The following TTLL11 variants were observed in gnomAD, a reference collection of about 807,000 sequenced individuals.
TTLL11 encodes the protein tubulin tyrosine ligase like 11.
A neutral mutation model predicts 51.7 loss-of-function variants in TTLL11; 42 were observed. That is an observed-to-expected ratio of 0.81 (90% CI 0.64 to 1.05). The LOEUF is 1.05. Ranked by LOEUF, TTLL11 falls within the 50% of genes least tolerant of loss-of-function variation. TTLL11 has a pLI of 0.00. For missense variants in TTLL11, 799 were observed against 940.4 expected (o/e 0.85, Z 1.97); for synonymous variants, 381 against 383.5 (o/e 0.99, Z 0.08).
chr9:121,960,181 C>T lies in TTLL11; in HGVS notation c.1481+13828G>A, dbSNP rs369554741. Reference sequence around the variant, plus strand: ...TCTATAAAACAAAGTTTAGTTTTGCCTGTTCTGAATTTTATTTCGTTGAAC... The same window carrying T: ...TCTATAAAACAAAGTTTAGTTTTGCTTGTTCTGAATTTTATTTCGTTGAAC... On this transcript the variant is annotated intron_variant, in intron 6 of 8. Coordinates refer to ENST00000321582, the MANE Select transcript of TTLL11 (RefSeq NM_001139442.2). Among the ~76,000 whole-genome samples, 31 of 152,202 alleles carry T rather than the reference C, an allele frequency of 2.0e-4. No homozygotes were observed. In the South Asian group the frequency reaches 6.4e-3, roughly 32 times the overall value.
At chr9:122,025,955 C>CA (rs1372404795) in intron 3 of TTLL11, among the ~76,000 whole-genome samples, 1 of 152,080 alleles carries the variant, frequency 6.6e-6, no homozygotes, top group Non-Finnish European at 1.5e-5. Context: ...TACTCCTTGG[C>CA]AATGAAGTAT....
chr9:121,973,915 A>G, intron 6 of TTLL11, 94 bp downstream of exon 6: 2 of 751,860 alleles, frequency 2.7e-6, no homozygotes, highest in Non-Finnish European at 4.3e-6. Context: ...CTCACTCACA[A>G]TGGTAACAGG....
chr9:121,971,311 A>G (rs201151564), intron 6 of TTLL11, among the ~76,000 whole-genome samples: 16,759 of 21,982 alleles, frequency 0.76, 7,401 homozygotes, highest in Non-Finnish European at 0.85. Context: ...CGTCCAGGAG[A>G]TGAGGGGCGC....
chr9:121,979,390 T>C (rs1842781246), intron 4 of TTLL11, among the ~76,000 whole-genome samples: 1 of 152,240 alleles, frequency 6.6e-6, no homozygotes, highest in East Asian at 1.9e-4. Context: ...TACTGCGAGA[T>C]AGTGGGTATT....
chr9:122,084,525 G>C (rs1228438641), intron 1 of TTLL11, among the ~76,000 whole-genome samples: 1 of 152,148 alleles, frequency 6.6e-6, no homozygotes, highest in Non-Finnish European at 1.5e-5. Context: ...TCAGGGACGT[G>C]ACTCGGCTTC....
chr9:122,070,753 C>G (rs1318904634), intron 1 of TTLL11, among the ~76,000 whole-genome samples: 1 of 152,148 alleles, frequency 6.6e-6, no homozygotes, highest in Non-Finnish European at 1.5e-5. Context: ...AACCTACCAG[C>G]CTTCATCCGG....
chr9:122,057,289 C>G (rs1588244380), intron 1 of TTLL11, among the ~76,000 whole-genome samples: 1 of 149,168 alleles, frequency 6.7e-6, no homozygotes, highest in East Asian at 2.0e-4. Context: ...AGAAAGTGAT[C>G]TGCTGTAAGG....
At chr9:121,867,966 T>C (rs1838230498) in intron 7 of TTLL11, among the ~76,000 whole-genome samples, 1 of 152,138 alleles carries the variant, frequency 6.6e-6, no homozygotes, top group Non-Finnish European at 1.5e-5. Context: ...ATAGCATAAC[T>C]TTGAGATAGA....
rs142818829 is a variant in TTLL11, at chr9:121,845,334, A to G, written c.1840+15003T>C. ...TGAAATTATCCTCCAGAAATGAAGG[A>G]GAAATACACTCTCAGACAAACAAAA... On this transcript the variant is annotated intron_variant, in intron 8 of 8. Coordinates refer to ENST00000321582, the MANE Select transcript of TTLL11 (RefSeq NM_001139442.2). 1.7e-3 allele frequency among the ~76,000 whole-genome samples: 260 copies of G among 152,326 alleles called. 2 individuals carry two copies. The highest frequency in any genetic ancestry group is 6.2e-3 in the African/African-American group (258 of 41,586).
intron 6 of TTLL11, among the ~76,000 whole-genome samples, chr9:121,954,678 G>GCA (rs71371904): frequency 0.57 from 84,703 of 149,230 alleles, 24,557 homozygotes; most frequent in East Asian, 0.71. Flanking sequence ...ACACACAGAC[G>GCA]CACACACACA....
chr9:121,972,778 C>T (rs754015776), intron 6 of TTLL11, among the ~76,000 whole-genome samples: 1 of 152,236 alleles, frequency 6.6e-6, no homozygotes, highest in Non-Finnish European at 1.5e-5. Flanking sequence ...AGTGGAAACT[C>T]TAGTATTGGT....
chr9:121,829,924 C>G (rs1320657977), intron 8 of TTLL11, among the ~76,000 whole-genome samples: 1 of 151,258 alleles, frequency 6.6e-6, no homozygotes, highest in Non-Finnish European at 1.5e-5. Context: ...CTTCATGGTG[C>G]TTCTTCTTGT....
chr9:121,856,908 A>G (rs1181192503), intron 8 of TTLL11, among the ~76,000 whole-genome samples: 2 of 152,186 alleles, frequency 1.3e-5, no homozygotes, highest in Non-Finnish European at 2.9e-5. Context: ...CCACTTAACC[A>G]CAGACTGCTC....
intron 3 of TTLL11, among the ~76,000 whole-genome samples, chr9:122,001,687 T>G (rs752572363): frequency 2.6e-5 from 4 of 152,110 alleles, no homozygotes; most frequent in African/African-American, 4.8e-5. Flanking sequence ...GCAACAGCTC[T>G]GACCTCTAAA....
At chr9:121,986,345 G>C (rs1842940259) in intron 4 of TTLL11, among the ~76,000 whole-genome samples, 1 of 152,156 alleles carries the variant, frequency 6.6e-6, no homozygotes, top group South Asian at 2.1e-4. Context: ...CTGCATGCCG[G>C]GCCCACATGA....
intron 3 of TTLL11, among the ~76,000 whole-genome samples, chr9:121,994,749 A>G (rs1843206128): frequency 6.6e-6 from 1 of 152,202 alleles, no homozygotes; most frequent in African/African-American, 2.4e-5. Flanking sequence ...AGGTTTTGAG[A>G]AGAAAGCAAC....
chr9:122,006,340 C>CAA (rs5900505), intron 3 of TTLL11, among the ~76,000 whole-genome samples: 29 of 138,946 alleles, frequency 2.1e-4, no homozygotes, highest in East Asian at 1.8e-3. Context: ...GAGACTATCT[C>CAA]AAAAAAAAAA....
chr9:121,977,738 C>T (rs1038033235), intron 4 of TTLL11, among the ~76,000 whole-genome samples: 1 of 150,304 alleles, frequency 6.7e-6, no homozygotes, highest in Non-Finnish European at 1.5e-5. Context: ...GCAGTGGCAC[C>T]ATCTCGGCTC....
intron 6 of TTLL11, among the ~76,000 whole-genome samples, chr9:121,918,959 T>C (rs1840432092): frequency 6.6e-6 from 1 of 152,190 alleles, no homozygotes; most frequent in Admixed American, 6.5e-5. Flanking sequence ...TGGTTACCCG[T>C]GGGGCTAGTG....
Sources: gnomAD v4.1 joint callset for allele counts (sites outside exome capture counted in the v4.1 genomes callset) on GRCh38, gnomAD v4.1.1 for gene constraint, MANE v1.5 for transcripts, NCBI Gene and HGNC (gene_info 2026-07-23, HGNC 2026-07-21) for gene names.